The following ABCG5 variants were observed in gnomAD, a reference collection of about 807,000 sequenced individuals.
The protein encoded by ABCG5 is ATP binding cassette subfamily G member 5.
ABCG5 carries 64 observed loss-of-function variants against 64.5 expected under a neutral mutation model. That is an observed-to-expected ratio of 0.99 (90% CI 0.81 to 1.22). The LOEUF is 1.22. ABCG5 is among the 50% of genes most tolerant of loss of function. The probability of loss-of-function intolerance (pLI) is 0.00; values close to 1 mark genes in which losing one functional copy is unlikely to be tolerated. For missense variants in ABCG5, 908 were observed against 829.5 expected, an observed-to-expected ratio of 1.09 and a Z score of -1.16; for synonymous variants, 385 against 326.3, an observed-to-expected ratio of 1.18 and a Z score of -1.94.
At position 43,831,995 on chromosome 2, in the gene ABCG5, C is replaced by G; in HGVS notation, c.354G>C (p.Arg118=). Reference sequence around the variant, plus strand: ...CCTGGAACTGCTCCCGGCGCAGCGCCCGGCCGTTCACATACACCTCCCCCA... The same window carrying G: ...CCTGGAACTGCTCCCGGCGCAGCGCGCGGCCGTTCACATACACCTCCCCCA... ...TFLGEVYVNG[R]ALRREQFQDC... is the part of the protein sequence containing the mutation. Residue 118 remains arginine, a synonymous_variant, in exon 3 of 13, where the codon CGG becomes CGC. Coordinates refer to ENST00000405322, the MANE Select transcript of ABCG5 (RefSeq NM_022436.3). 6.4e-7 allele frequency: 1 copy of G among 1,556,802 alleles called. No homozygotes were observed. The highest frequency in any genetic ancestry group is 1.4e-5 in the African/African-American group (1 of 73,696).
intron 2 of ABCG5, among the ~76,000 whole-genome samples, chr2:43,833,029 C>G (rs1445269587): frequency 6.6e-6 from 1 of 152,096 alleles, no homozygotes; most frequent in Non-Finnish European, 1.5e-5. Context: ...AGGCTGGTCT[C>G]GACCTCCTGA....
chr2:43,822,669 G>A (rs1667308280), intron 10 of ABCG5, 128 bp downstream of exon 10: 1 of 1,556,216 alleles, frequency 6.4e-7, no homozygotes. Flanking sequence ...CATTGCACTA[G>A]ACACTGATGG....
chr2:43,812,153 C>T (rs116303963), downstream of ABCG5, among the ~76,000 whole-genome samples: 1,345 of 152,086 alleles, frequency 8.8e-3, 24 homozygotes, highest in African/African-American at 0.031. Flanking sequence ...TAGGTTTAAG[C>T]GATCCTTCCA....
At chr2:43,806,560 G>A in the ABCG5 span, among the ~76,000 whole-genome samples, 1 of 152,168 alleles carries the variant, frequency 6.6e-6, no homozygotes, top group African/African-American at 2.4e-5. Flanking sequence ...CCCTTATTAT[G>A]TTTGCAGCCT....
At position 43,813,007 on chromosome 2, in the gene ABCG5, C is replaced by T; in HGVS notation, c.*109G>A. On this transcript the variant is annotated 3_prime_UTR_variant, in exon 13 of 13. Coordinates refer to ENST00000405322, the MANE Select transcript of ABCG5 (RefSeq NM_022436.3). ...AAATGGAGTCTTAATGGTTAAAAGA[C>T]TTGAGATGTCCTGTCAAGAAAGAAA... 4.2e-6 allele frequency: 3 copies of T among 716,716 alleles called. No homozygotes were observed. The South Asian group carries it at 4.5e-5, about 11-fold the overall frequency. The allele number at this position is 716,716 out of a possible 1,614,324, so 44.4% of individuals were successfully genotyped here.
chr2:43,808,870 A>G (rs1666372122), downstream of ABCG5, among the ~76,000 whole-genome samples: 1 of 152,142 alleles, frequency 6.6e-6, no homozygotes, highest in Non-Finnish European at 1.5e-5. Context: ...TTGTGCTGAG[A>G]CAGAGCAATG....
At chr2:43,837,698 C>G in intron 2 of ABCG5, 136 bp downstream of exon 2, 1 of 1,181,816 alleles carries the variant, frequency 8.5e-7, no homozygotes, top group Non-Finnish European at 1.3e-6. Flanking sequence ...GGTAGCAGTT[C>G]CATTCACAGT....
chr2:43,814,298 G>A (rs909235826), intron 12 of ABCG5, among the ~76,000 whole-genome samples, 179 bp downstream of exon 12: 1 of 152,152 alleles, frequency 6.6e-6, no homozygotes, highest in South Asian at 2.1e-4. Context: ...AGACTAACTT[G>A]ACTACTGCTT....
In ABCG5 at chr2:43,832,079, G is replaced by T; in HGVS notation, c.270C>A (p.Ser90=). ...QIMCILGSSG[S]GKTTLLDAMS... is the part of the protein sequence containing the mutation. ...TGGCGTCCAGCAGCGTGGTTTTCCCGGAGCCTGCGGGGCGACAACAGAAGG... is the reference window on the plus strand; with the variant it reads ...TGGCGTCCAGCAGCGTGGTTTTCCCTGAGCCTGCGGGGCGACAACAGAAGG... The change falls in exon 3 of 13, where the codon TCC becomes TCA. Residue 90 remains serine (S), a synonymous_variant. Coordinates refer to ENST00000405322, the MANE Select transcript of ABCG5 (RefSeq NM_022436.3). 1 of 1,577,852 alleles carries T rather than the reference G, an allele frequency of 6.3e-7. No homozygotes were observed. The highest frequency in any genetic ancestry group is 8.6e-7 in the Non-Finnish European group (1 of 1,162,326).
In ABCG5 at chr2:43,828,087, A is replaced by C; in HGVS notation, c.530T>G (p.Leu177Arg). Reference protein sequence around the residue: ...KVEAVMAELSLSHVADRLIGN... With the variant: ...KVEAVMAELSRSHVADRLIGN... ...AATCAGTCGGTCTGCCACATGGCTCAGACTCAGCTCTGCCATGACGGCCTC... is the reference window on the plus strand; with the variant it reads ...AATCAGTCGGTCTGCCACATGGCTCCGACTCAGCTCTGCCATGACGGCCTC... Residue 177 changes from leucine to arginine, a missense_variant, in exon 5 of 13, where the codon CTG becomes CGG. By Grantham distance (102) the Leu-to-Arg change is moderately radical (BLOSUM62 -2). Transcript: ENST00000405322. 6.2e-7 allele frequency: 1 copy of C among 1,614,084 alleles called. No individual in the cohort carries two copies. Among genetic ancestry groups the C allele is most frequent in the Non-Finnish European group, 8.5e-7 (1 of 1,180,030 alleles).
intron 10 of ABCG5, among the ~76,000 whole-genome samples, chr2:43,821,005 CTT>C (rs144353858): frequency 0.012 from 1,856 of 152,260 alleles, 45 homozygotes; most frequent in African/African-American, 0.041. Flanking sequence ...CACCTTTCCT[CTT>C]ATATTCCTTT....
Position 43,828,011 on chromosome 2 carries a change from G to A in ABCG5, c.606C>T (p.Ser202=), listed in dbSNP as rs546506696. Residue 202 remains serine (S), a synonymous_variant, in exon 5 of 13, where the codon TCC becomes TCT. Coordinates refer to ENST00000405322, the MANE Select transcript of ABCG5 (RefSeq NM_022436.3). ...GISTGERRRV[S]IAAQLLQDPK... ...GATCCTGGAGCAGCTGGGCTGCGAT[G>A]GAGACCCGGCGCCGCTCACCCGTGG... 4.3e-6 allele frequency: 7 copies of A among 1,614,104 alleles called. No individual in the cohort carries two copies. In the South Asian group the frequency reaches 7.7e-5, roughly 18 times the overall value.
chr2:43,832,002 T>C lies in ABCG5; in HGVS notation c.347A>G (p.Asn116Ser), dbSNP rs1427686719. 6.4e-7 allele frequency: 1 copy of C among 1,561,424 alleles called. No homozygotes were observed. Among genetic ancestry groups the C allele is most frequent in the East Asian group, 2.4e-5 (1 of 42,164 alleles). The change falls in exon 3 of 13, where the codon AAC (asparagine) becomes AGC (serine). Residue 116 changes from asparagine to serine, a missense_variant. Transcript: ENST00000405322. ...CTGCTCCCGGCGCAGCGCCCGGCCG[T>C]TCACATACACCTCCCCCAGGAAGGT... ...AGTFLGEVYV[N>S]GRALRREQFQ...
intron 5 of ABCG5, among the ~76,000 whole-genome samples, chr2:43,827,468 G>C (rs1667689639): frequency 1.3e-5 from 2 of 152,168 alleles, no homozygotes; most frequent in South Asian, 2.1e-4. Flanking sequence ...GTCCTCTCCA[G>C]CTGCATGAGT....
At chr2:43,809,765 T>G (rs1247486654), downstream of ABCG5, 6 of 1,610,326 alleles carry the variant, frequency 3.7e-6, no homozygotes, top group Non-Finnish European at 5.1e-6. Flanking sequence ...GCTTGATTCT[T>G]GAACCTATTT....
intron 7 of ABCG5, chr2:43,824,688 G>A: frequency 8.3e-6 from 8 of 962,806 alleles, no homozygotes; most frequent in Non-Finnish European, 9.9e-6. Flanking sequence ...GCGCCAGTTT[G>A]TTTGAGAGAG....
chr2:43,838,624 CTGTTTACT>C lies in ABCG5; in HGVS notation c.48_55del (p.Val17ArgfsTer178). ...CCCCTCCAGGGAGCTCTGGGAGCCT[CTGTTTACT>C]TGGAGACCCATGGACCCTCCGGGGG... On this transcript the variant is annotated frameshift_variant, in exon 1 of 13. Transcript: ENST00000405322. LOFTEE classifies it high-confidence loss of function. This position sits in a 1 kb window ranked among gnomAD's most constrained non-coding sequence, Gnocchi z 4.2. 6.2e-7 allele frequency: 1 copy of C among 1,613,348 alleles called. No individual in the cohort carries two copies. Among genetic ancestry groups the C allele is most frequent in the Non-Finnish European group, 8.5e-7 (1 of 1,179,884 alleles).
chr2:43,827,466 C>T (rs776087087), intron 5 of ABCG5, among the ~76,000 whole-genome samples: 19 of 152,178 alleles, frequency 1.2e-4, no homozygotes, highest in Admixed American at 2.0e-4. Context: ...TTGTCCTCTC[C>T]AGCTGCATGA....
At chr2:43,821,866 C>G (rs1040561687) in intron 10 of ABCG5, among the ~76,000 whole-genome samples, 19 of 151,510 alleles carry the variant, frequency 1.3e-4, no homozygotes, top group African/African-American at 4.1e-4. Context: ...ATTTTTCATT[C>G]TCTCTCTCTC....
Sources: gnomAD v4.1 joint callset for allele counts (sites outside exome capture counted in the v4.1 genomes callset) on GRCh38, gnomAD v4.1.1 for gene constraint, Gnocchi (gnomAD v3.1) non-coding constraint, MANE v1.5 for transcripts, NCBI Gene and HGNC (gene_info 2026-07-23, HGNC 2026-07-21) for gene names.